Variants in ARHGEF3 observed in about 807,000 individuals in gnomAD.
ARHGEF3 encodes 59.8 kDA protein.
In ARHGEF3, 28 loss-of-function variants were observed where a neutral mutation model predicts 63.2. The ratio of observed to expected loss-of-function variants is 0.44; its 90% CI spans 0.33 to 0.61. The LOEUF (loss-of-function observed/expected upper bound fraction) is 0.61. Ranked by LOEUF, ARHGEF3 falls within the 20% of genes least tolerant of loss-of-function variation. The probability of loss-of-function intolerance (pLI) is 0.03; values close to 1 mark genes in which losing one functional copy is unlikely to be tolerated. For missense variants in ARHGEF3, 533 were observed against 659.3 expected, an observed-to-expected ratio of 0.81 and a Z score of 2.10; for synonymous variants, 266 against 254.2, an observed-to-expected ratio of 1.05 and a Z score of -0.44.
chr3:56,892,926 G>A (rs1034287031), intron 3 of ARHGEF3, among the ~76,000 whole-genome samples: 6 of 152,146 alleles, frequency 3.9e-5, no homozygotes, highest in Non-Finnish European at 1.5e-5. Flanking sequence ...TTCAATCACT[G>A]GTGTCTGGAA....
intron 7 of ARHGEF3, among the ~76,000 whole-genome samples, chr3:56,740,408 T>C (rs1559891394): frequency 1.3e-5 from 2 of 152,204 alleles, no homozygotes; most frequent in African/African-American, 4.8e-5. Flanking sequence ...AAACAATAAA[T>C]AGCAGAACAC....
chr3:56,962,194 T>C (rs1700309019), intron 2 of ARHGEF3, among the ~76,000 whole-genome samples: 1 of 152,222 alleles, frequency 6.6e-6, no homozygotes, highest in South Asian at 2.1e-4. Flanking sequence ...AGAAGGCTTC[T>C]TGATGAAGCT....
intron 1 of ARHGEF3, among the ~76,000 whole-genome samples, chr3:57,070,971 CA>C (rs1231328722): frequency 0.07 from 3,457 of 49,628 alleles, 37 homozygotes; most frequent in Non-Finnish European, 0.11. Context: ...GACTCTGTCA[CA>C]AAAAAAAAAA....
At chr3:56,906,245 A>G (rs1284945210) in intron 3 of ARHGEF3, among the ~76,000 whole-genome samples, 1 of 152,220 alleles carries the variant, frequency 6.6e-6, no homozygotes, top group Admixed American at 6.5e-5. Flanking sequence ...GCACCTCCTC[A>G]GCTGTACTAG....
chr3:57,002,497 GTTATA>G (rs1702270635), intron 2 of ARHGEF3, among the ~76,000 whole-genome samples: 1 of 15,292 alleles, frequency 6.5e-5, no homozygotes, highest in African/African-American at 2.4e-4. Flanking sequence ...ATATATATAT[GTTATA>G]TATATATATA....
At chr3:57,056,169 C>T (rs1378823971) in intron 1 of ARHGEF3, among the ~76,000 whole-genome samples, 7 of 151,832 alleles carry the variant, frequency 4.6e-5, no homozygotes, top group South Asian at 2.1e-4. Flanking sequence ...GGGCAGATCC[C>T]GAGATCAGAA....
chr3:57,011,408 G>A (rs751528624), intron 2 of ARHGEF3, among the ~76,000 whole-genome samples: 60 of 152,036 alleles, frequency 3.9e-4, no homozygotes, highest in Non-Finnish European at 6.3e-4. Flanking sequence ...AAATATATAC[G>A]TCTCCTCTTT....
intron 3 of ARHGEF3, among the ~76,000 whole-genome samples, chr3:56,953,242 T>A (rs1699892566): frequency 6.6e-6 from 1 of 152,246 alleles, no homozygotes; most frequent in African/African-American, 2.4e-5. Context: ...CATTAGAGAC[T>A]CTGTCACTTT....
At chr3:56,959,439 G>GCT (rs1479510491) in intron 2 of ARHGEF3, among the ~76,000 whole-genome samples, 2 of 152,184 alleles carry the variant, frequency 1.3e-5, no homozygotes, top group Non-Finnish European at 2.9e-5. Flanking sequence ...AGTGGAGGCA[G>GCT]CTTCAAGACA....
At chr3:57,045,491 C>T (rs1704414020) in intron 1 of ARHGEF3, among the ~76,000 whole-genome samples, 1 of 152,216 alleles carries the variant, frequency 6.6e-6, no homozygotes, top group Non-Finnish European at 1.5e-5. Context: ...ATGGACCCAG[C>T]AATGGGTTGT....
At chr3:56,842,685 G>C (rs1163516930) in intron 4 of ARHGEF3, among the ~76,000 whole-genome samples, 2 of 152,136 alleles carry the variant, frequency 1.3e-5, no homozygotes, top group African/African-American at 4.8e-5. Flanking sequence ...AGAGATGTCT[G>C]GAAGGAAGCA....
chr3:56,796,237 T>C (rs1437339706), intron 1 of ARHGEF3, among the ~76,000 whole-genome samples: 2 of 152,356 alleles, frequency 1.3e-5, no homozygotes, highest in East Asian at 3.9e-4. Context: ...TAATTTATTT[T>C]CTTTCAGTAG....
intron 3 of ARHGEF3, among the ~76,000 whole-genome samples, chr3:56,918,348 C>T (rs935753445): frequency 2.0e-5 from 3 of 152,170 alleles, no homozygotes; most frequent in Non-Finnish European, 2.9e-5. Context: ...GGGCATTGTA[C>T]GTTTTATTTC....
chr3:56,795,441 A>G (rs2037301716), intron 1 of ARHGEF3, among the ~76,000 whole-genome samples: 2 of 152,196 alleles, frequency 1.3e-5, no homozygotes, highest in African/African-American at 4.8e-5. Context: ...GAAAGAAGAA[A>G]AAAGTCTAGT....
intron 3 of ARHGEF3, among the ~76,000 whole-genome samples, chr3:56,900,645 C>CCAA (rs530877741): frequency 9.4e-4 from 143 of 152,270 alleles, no homozygotes; most frequent in Middle Eastern, 3.4e-3. Context: ...AACACCACCA[C>CCAA]CAACGGTTAA....
intron 4 of ARHGEF3, among the ~76,000 whole-genome samples, chr3:56,828,713 G>A (rs1159979423): frequency 6.6e-6 from 1 of 152,124 alleles, no homozygotes; most frequent in Non-Finnish European, 1.5e-5. Flanking sequence ...AACTGACTCT[G>A]GTCCAGCAGT....
At chr3:56,781,144 A>T (rs1472352729) in intron 1 of ARHGEF3, among the ~76,000 whole-genome samples, 1 of 152,198 alleles carries the variant, frequency 6.6e-6, no homozygotes, top group Non-Finnish European at 1.5e-5. Flanking sequence ...CAAGCCAAAG[A>T]ACATGAAGGA....
chr3:56,971,822 C>T (rs1700924849), intron 2 of ARHGEF3, among the ~76,000 whole-genome samples: 1 of 151,864 alleles, frequency 6.6e-6, no homozygotes, highest in Non-Finnish European at 1.5e-5. Flanking sequence ...CCACTGAACT[C>T]CAGCCTGGGC....
chr3:56,973,787 T>C (rs769880139), intron 2 of ARHGEF3, among the ~76,000 whole-genome samples: 4 of 152,160 alleles, frequency 2.6e-5, no homozygotes, highest in Non-Finnish European at 4.4e-5. Flanking sequence ...TAGAGATACT[T>C]GTCCAAAGAT....
Sources: allele counts gnomAD v4.1 joint callset (sites outside exome capture counted in the v4.1 genomes callset), GRCh38; gene constraint gnomAD v4.1.1; transcripts MANE v1.5; gene names NCBI Gene and HGNC (gene_info 2026-07-23, HGNC 2026-07-21).